Variants in ECE1 observed in about 807,000 individuals in gnomAD.
ECE1 encodes the protein endothelin converting enzyme 1.
Under a neutral mutation model 98.6 loss-of-function variants are expected in ECE1, and 35 were observed. The observed-to-expected ratio is 0.35, with a 90% CI of 0.27 to 0.47. ECE1 has a LOEUF of 0.47. Among genes scored for constraint, ECE1 ranks in the 20% least tolerant of loss-of-function variants. The pLI is 1.00. For missense variants in ECE1, 814 were observed against 1,025.3 expected (o/e 0.79, Z 2.81); for synonymous variants, 394 against 407.1 (o/e 0.97, Z 0.39).
At chr1:21,242,349 G>A (rs1173417357) in intron 10 of ECE1, among the ~76,000 whole-genome samples, 1 of 152,188 alleles carries the variant, frequency 6.6e-6, no homozygotes, top group Middle Eastern at 3.2e-3. Context: ...TGCTTCCCAT[G>A]CTCTATGCTT....
intron 3 of ECE1, among the ~76,000 whole-genome samples, chr1:21,274,588 T>C (rs1446611735): frequency 1.3e-5 from 2 of 152,120 alleles, no homozygotes; most frequent in African/African-American, 4.8e-5. Flanking sequence ...GGCCAGTCTT[T>C]AGAGAGCAGC....
At chr1:21,324,895 C>T (rs1015098827) in intron 1 of ECE1, among the ~76,000 whole-genome samples, 9 of 152,206 alleles carry the variant, frequency 5.9e-5, no homozygotes, top group African/African-American at 9.7e-5. Flanking sequence ...CTTTCCTGAA[C>T]GAGCTTTATG....
In ECE1 at chr1:21,315,789, CA is replaced by C. The variant is rs754647376; in HGVS notation, c.4-25634del. Reference sequence around the variant, plus strand: ...TGGGTGACAGAGCAAGACTCTGTCTCAAAAAAAAAAAAAAAAAAAAAAAGCT... The same window carrying C: ...TGGGTGACAGAGCAAGACTCTGTCTCAAAAAAAAAAAAAAAAAAAAAAGCT... On this transcript the variant is annotated intron_variant, in intron 1 of 18. Transcript: ENST00000415912. Among the ~76,000 whole-genome samples the C allele has an allele frequency of 7.4e-3, 352 of 47,288 alleles. 2 individuals are homozygous for C. The highest frequency in any genetic ancestry group is 0.025 in the East Asian group (37 of 1,454). 31.0% of individuals were successfully genotyped at this position (47,288 alleles called of 152,430 possible). A position where few individuals can be genotyped will look rare whatever the true frequency, so the allele number is the denominator to read the frequency against.
intron 10 of ECE1, among the ~76,000 whole-genome samples, chr1:21,239,039 C>T (rs966674738): frequency 2.6e-5 from 4 of 150,994 alleles, no homozygotes; most frequent in African/African-American, 7.3e-5. Flanking sequence ...CACTATGTTG[C>T]CCAGGCTGGT....
chr1:21,227,356 G>C (rs2098175682), intron 15 of ECE1, 130 bp from the exon 16 acceptor site: 2 of 953,812 alleles, frequency 2.1e-6, no homozygotes, highest in African/African-American at 3.2e-5. Flanking sequence ...GTGTGGATAA[G>C]GGTGTGGTCA....
intron 1 of ECE1, among the ~76,000 whole-genome samples, chr1:21,339,643 T>C (rs963695786): frequency 1.3e-5 from 2 of 152,218 alleles, no homozygotes; most frequent in Non-Finnish European, 2.9e-5. Flanking sequence ...TCGAAGTTGG[T>C]GGTTCCTAAT....
chr1:21,301,934 C>T (rs1638495159), intron 1 of ECE1, among the ~76,000 whole-genome samples: 1 of 151,568 alleles, frequency 6.6e-6, no homozygotes, highest in Non-Finnish European at 1.5e-5. Context: ...TAGCACTGTT[C>T]CCATTTGACA....
chr1:21,341,034 A>AC (rs1194566011), intron 1 of ECE1, among the ~76,000 whole-genome samples: 3 of 140,584 alleles, frequency 2.1e-5, no homozygotes, highest in Non-Finnish European at 4.6e-5. Flanking sequence ...TGCTCCCTCC[A>AC]CCCCCCGCCC....
rs2103408590 is a variant in ECE1, at chr1:21,327,275, TG to T, written c.3+18100del. Among the ~76,000 whole-genome samples the T allele has an allele frequency of 6.6e-6, 1 of 152,350 alleles. No homozygotes were observed. Among genetic ancestry groups the T allele is most frequent in the South Asian group, 2.1e-4 (1 of 4,834 alleles). On this transcript the variant is annotated intron_variant, in intron 1 of 18. Coordinates refer to the ECE1 transcript ENST00000415912. This position sits in a 1 kb window ranked among gnomAD's most constrained non-coding sequence, Gnocchi z 4.6. Reference sequence around the variant, plus strand: ...GGATGGGAGGCTCCAGCTTAGCGTCTGGCTCTAACGCTTGGACTGTGTGACT... The same window carrying T: ...GGATGGGAGGCTCCAGCTTAGCGTCTGCTCTAACGCTTGGACTGTGTGACT...
chr1:21,271,285 G>A (rs1258406117), intron 4 of ECE1, among the ~76,000 whole-genome samples: 2 of 152,170 alleles, frequency 1.3e-5, no homozygotes, highest in South Asian at 2.1e-4. Context: ...GGAAAGAAAG[G>A]AAAGGTCTCC....
intron 1 of ECE1, among the ~76,000 whole-genome samples, chr1:21,329,435 G>A (rs928015121): frequency 2.2e-4 from 34 of 151,880 alleles, no homozygotes; most frequent in African/African-American, 7.7e-4. Flanking sequence ...TTAAAAACAC[G>A]AGTACAGGCC....
rs1439196979 is a variant in ECE1 at position 21,290,454 on chromosome 1, G to A, written c.-40C>T. The A allele has an allele frequency of 4.1e-6, 5 of 1,227,606 alleles. No homozygotes were observed. The highest frequency in any genetic ancestry group is 4.1e-6 in the Non-Finnish European group (4 of 985,460). The allele number at this position is 1,227,606 out of a possible 1,614,324, so 76.0% of individuals were successfully genotyped here. On this transcript the variant is annotated 5_prime_UTR_variant, in exon 1 of 19. Coordinates refer to ENST00000374893, the MANE Select transcript of ECE1 (RefSeq NM_001397.3). The surrounding 1 kb of genome is among the most constrained non-coding windows in gnomAD (Gnocchi z 7.3). ...GCCTGGTCCCGCTGCCCGGGTGGCC[G>A]GGATGGGATGGGCCGGGCCAGGCGT...
In ECE1 at chr1:21,260,316, C is replaced by G. The variant is rs1431178488; in HGVS notation, c.570G>C (p.Arg190Ser). Residue 190 changes from arginine to serine, a missense_variant, in exon 5 of 19, where the codon AGG (arginine) becomes AGC (serine). By Grantham distance (110) the Arg-to-Ser change is moderately radical. This residue lies in a region of ECE1 where 257 missense variants were observed against 278.9 expected (regional missense o/e 0.92). Coordinates refer to ENST00000374893, the MANE Select transcript of ECE1 (RefSeq NM_001397.3). This position sits in a 1 kb window ranked among gnomAD's most constrained non-coding sequence, Gnocchi z 4.3. Reference protein sequence around the residue: ...VYYRACMNETRIEELRAKPLM... With the variant: ...VYYRACMNETSIEELRAKPLM... ...GAGGTTTGGCCCTGAGCTCCTCGAT[C>G]CTGGTCTCGTTCATGCACGCACGGT... 6.2e-7 allele frequency: 1 copy of G among 1,614,120 alleles called. No homozygotes were observed. The highest frequency in any genetic ancestry group is 1.3e-5 in the African/African-American group (1 of 74,940).
At chr1:21,295,932 G>A (rs999583765) in intron 1 of ECE1, among the ~76,000 whole-genome samples, 3 of 152,102 alleles carry the variant, frequency 2.0e-5, no homozygotes, top group Admixed American at 6.5e-5. Flanking sequence ...TGTAAATACC[G>A]AGTAAGCTAG....
At chr1:21,248,634 T>C (rs929048064) in intron 8 of ECE1, among the ~76,000 whole-genome samples, 4 of 151,082 alleles carry the variant, frequency 2.6e-5, no homozygotes, top group Admixed American at 6.6e-5. Flanking sequence ...TTTCTTTTCT[T>C]TTTTTTTTGA....
In ECE1 at chr1:21,343,257, A is replaced by G. The variant is rs1489327338; in HGVS notation, c.3+2119T>C. Among the ~76,000 whole-genome samples, 4 of 152,206 alleles carry G rather than the reference A, an allele frequency of 2.6e-5. 1 individual carries two copies. Among genetic ancestry groups the G allele is most frequent in the African/African-American group, 9.7e-5 (4 of 41,446 alleles). ...TCCCATAACACTGTTTATTCAGTCA[A>G]TTCTTTCCTCCCTCACATGGGGTTT... is the stretch of plus-strand genomic sequence containing the variant. On this transcript the variant is annotated intron_variant, in intron 1 of 18. Coordinates refer to the ECE1 transcript ENST00000415912.
intron 11 of ECE1, among the ~76,000 whole-genome samples, chr1:21,237,647 C>T (rs1230311207): frequency 3.3e-5 from 5 of 152,330 alleles, no homozygotes; most frequent in East Asian, 3.9e-4. Context: ...GGAATGCCCC[C>T]GTCTCCACAT....
chr1:21,236,581 G>A (rs1287556529), intron 12 of ECE1, among the ~76,000 whole-genome samples, 165 bp downstream of exon 12: 5 of 152,162 alleles, frequency 3.3e-5, no homozygotes, highest in African/African-American at 7.2e-5. Context: ...CCCGGGAGGC[G>A]GAGGTTGCGG....
chr1:21,267,882 T>C (rs2098235886), intron 4 of ECE1, among the ~76,000 whole-genome samples: 1 of 152,234 alleles, frequency 6.6e-6, no homozygotes, highest in Non-Finnish European at 1.5e-5. Flanking sequence ...GGTGACATGA[T>C]TAATTGCCAC....
Sources: allele counts gnomAD v4.1 joint callset (sites outside exome capture counted in the v4.1 genomes callset), GRCh38; gene constraint gnomAD v4.1.1; regional missense constraint gnomAD v4.1.1; non-coding constraint Gnocchi (gnomAD v3.1); transcripts MANE v1.5; gene names NCBI Gene and HGNC (gene_info 2026-07-23, HGNC 2026-07-21).